EMX1: variants seen among roughly 807,000 people sequenced by gnomAD.
EMX1 encodes the protein homeobox protein EMX1.
A neutral mutation model predicts 20.1 loss-of-function variants in EMX1; 10 were observed. That is an observed-to-expected ratio of 0.50 (90% CI 0.31 to 0.84). The LOEUF (loss-of-function observed/expected upper bound fraction) is 0.84, where lower values mean the gene tolerates loss of function less well. Among genes scored for constraint, EMX1 ranks in the 40% least tolerant of loss-of-function variants. The probability of loss-of-function intolerance (pLI) is 0.05; values close to 1 mark genes in which losing one functional copy is unlikely to be tolerated. For synonymous variants in EMX1, 250 were observed against 200.4 expected, an observed-to-expected ratio of 1.25 and a Z score of -2.09; for missense variants, 424 against 431.9, an observed-to-expected ratio of 0.98 and a Z score of 0.16.
chr2:72,932,781 G>A (rs1197136764), intron 2 of EMX1, among the ~76,000 whole-genome samples: 1 of 152,128 alleles, frequency 6.6e-6, no homozygotes, highest in Non-Finnish European at 1.5e-5. Context: ...ACCTTGCCAG[G>A]GCTCTCACTG....
intron 2 of EMX1, among the ~76,000 whole-genome samples, chr2:72,931,986 T>C (rs1671295066): frequency 6.6e-6 from 1 of 152,158 alleles, no homozygotes; most frequent in African/African-American, 2.4e-5. Flanking sequence ...CTCCTGGGCA[T>C]GAAACCATCT....
intron 1 of EMX1, among the ~76,000 whole-genome samples, chr2:72,920,377 A>G (rs1671079754): frequency 6.6e-6 from 1 of 152,246 alleles, no homozygotes; most frequent in Non-Finnish European, 1.5e-5. Context: ...AGATGGAGCC[A>G]AGTGTGGCTG....
At chr2:72,916,990 C>T (rs1020598938), upstream of EMX1, 8 of 706,712 alleles carry the variant, frequency 1.1e-5, no homozygotes, top group Admixed American at 8.1e-5. Context: ...AGCTGTCCCC[C>T]GTGACATCCA....
chr2:72,916,896 G>T, upstream of EMX1: 1 of 717,382 alleles, frequency 1.4e-6, no homozygotes. Context: ...CAGCTGGAGG[G>T]TGGCAGTGGG....
upstream of EMX1, chr2:72,916,562 G>A: frequency 1.6e-6 from 1 of 613,668 alleles, no homozygotes; most frequent in South Asian, 1.9e-5. Flanking sequence ...GAATTCGTCC[G>A]CCGTACGGAA....
At chr2:72,933,620 G>T in intron 2 of EMX1, 167 bp from the exon 3 acceptor site, 1 of 711,342 alleles carries the variant, frequency 1.4e-6, no homozygotes, top group Non-Finnish European at 2.3e-6. Context: ...GTGAATGTTA[G>T]ACCCATGGGA....
intron 1 of EMX1, among the ~76,000 whole-genome samples, chr2:72,920,246 A>G (rs1268060228): frequency 6.6e-6 from 1 of 152,198 alleles, no homozygotes; most frequent in African/African-American, 2.4e-5. Context: ...GAGGCGGATA[A>G]ATCCTTCGCA....
intron 2 of EMX1, chr2:72,926,341 T>C (rs898612390): frequency 8.3e-5 from 80 of 962,290 alleles, no homozygotes; most frequent in Non-Finnish European, 9.8e-5. Flanking sequence ...ATTTCAAACA[T>C]ATATTTAAAA....
chr2:72,931,498 A>G (rs1442528276), intron 2 of EMX1, among the ~76,000 whole-genome samples: 2 of 151,976 alleles, frequency 1.3e-5, no homozygotes, highest in East Asian at 3.9e-4. Context: ...AGGCAGGGTG[A>G]GCTCACCCGC....
chr2:72,922,742 T>C (rs1016631661), intron 1 of EMX1, among the ~76,000 whole-genome samples: 1 of 152,242 alleles, frequency 6.6e-6, no homozygotes, highest in African/African-American at 2.4e-5. Flanking sequence ...CAAGAACAGT[T>C]ACCTGGAGAG....
intron 1 of EMX1, among the ~76,000 whole-genome samples, chr2:72,922,748 G>C (rs1178720526): frequency 6.6e-6 from 1 of 152,354 alleles, no homozygotes; most frequent in East Asian, 1.9e-4. Context: ...CAGTTACCTG[G>C]AGAGTTTTAG....
At chr2:72,917,019 G>A (rs1000459269), upstream of EMX1, 5 of 691,382 alleles carry the variant, frequency 7.2e-6, no homozygotes, top group South Asian at 7.9e-5. Context: ...GAAACCTCAG[G>A]AACAAGGTCG....
chr2:72,927,695 A>G (rs1187520623), intron 2 of EMX1, among the ~76,000 whole-genome samples: 1 of 152,224 alleles, frequency 6.6e-6, no homozygotes, highest in Non-Finnish European at 1.5e-5. Context: ...GGTGATCATG[A>G]TTAATAACAG....
At chr2:72,920,468 C>A (rs1671081499) in intron 1 of EMX1, among the ~76,000 whole-genome samples, 1 of 152,224 alleles carries the variant, frequency 6.6e-6, no homozygotes, top group Non-Finnish European at 1.5e-5. Flanking sequence ...TCCATCGTCG[C>A]CGCTGCAGAC....
intron 2 of EMX1, among the ~76,000 whole-genome samples, chr2:72,928,907 G>A (rs1169714139): frequency 6.6e-6 from 1 of 152,104 alleles, no homozygotes; most frequent in Non-Finnish European, 1.5e-5. Flanking sequence ...GGAAAGAAGG[G>A]CAGGGTTTGA....
At chr2:72,926,113 G>T in intron 2 of EMX1, 2 of 984,548 alleles carry the variant, frequency 2.0e-6, no homozygotes, top group Non-Finnish European at 2.4e-6. Context: ...TTTAATTGCA[G>T]AACTGTAAGA....
At chr2:72,917,154 C>T, upstream of EMX1, 2 of 612,436 alleles carry the variant, frequency 3.3e-6, no homozygotes, top group Non-Finnish European at 6.0e-6. Context: ...ACCCTCCGCT[C>T]GGATCCAAGT....
chr2:72,929,424 C>G (rs1671250879), intron 2 of EMX1, among the ~76,000 whole-genome samples: 1 of 152,140 alleles, frequency 6.6e-6, no homozygotes, highest in South Asian at 2.1e-4. Context: ...GTGACCTCAG[C>G]TTACTGAGGT....
intron 1 of EMX1, among the ~76,000 whole-genome samples, chr2:72,922,555 C>T (rs768662557): frequency 1.3e-5 from 2 of 152,226 alleles, no homozygotes; most frequent in African/African-American, 2.4e-5. Flanking sequence ...ACAGATCCAA[C>T]CAGTTGAAAT....
Sources: allele counts gnomAD v4.1 joint callset (sites outside exome capture counted in the v4.1 genomes callset), GRCh38; gene constraint gnomAD v4.1.1; transcripts MANE v1.5; gene names NCBI Gene and HGNC (gene_info 2026-07-23, HGNC 2026-07-21).